The following NRXN3 variants were observed in gnomAD, a reference collection of about 807,000 sequenced individuals.
The protein encoded by NRXN3 is neurexin 3.
In NRXN3, 32 loss-of-function variants were observed where a neutral mutation model predicts 137.6. That is an observed-to-expected ratio of 0.23 (90% CI 0.18 to 0.31). NRXN3 has a LOEUF of 0.31. Ranked by LOEUF, NRXN3 falls within the 10% of genes least tolerant of loss-of-function variation. The probability of loss-of-function intolerance (pLI) is 1.00; values close to 1 mark genes in which losing one functional copy is unlikely to be tolerated. For synonymous variants in NRXN3, 798 were observed against 784.5 expected, an observed-to-expected ratio of 1.02 and a Z score of -0.29; for missense variants, 1,574 against 2,062.5, an observed-to-expected ratio of 0.76 and a Z score of 4.59.
intron 1 of NRXN3, among the ~76,000 whole-genome samples, chr14:78,174,792 G>A (rs1448404618): frequency 6.6e-6 from 1 of 152,184 alleles, no homozygotes; most frequent in Non-Finnish European, 1.5e-5. Flanking sequence ...CCTGCCTCCA[G>A]CAGGAAGCCT....
Position 78,449,569 on chromosome 14 carries a change from G to T in NRXN3, c.757+151709G>T, listed in dbSNP as rs181517322. Among the ~76,000 whole-genome samples the T allele has an allele frequency of 5.3e-3, 804 of 152,132 alleles. 29 individuals are homozygous for T. Among genetic ancestry groups the T allele is most frequent in the Non-Finnish European group, 1.1e-3 (78 of 68,022 alleles). ...CACAATATCTCTAAAATGTGCCACA[G>T]ATATTTTTCTCTATTTTTTATTAGA... On this transcript the variant is annotated intron_variant, in intron 4 of 20. Transcript: ENST00000335750.
In NRXN3 at chr14:78,709,242, G is replaced by T. The variant is rs780387298; in HGVS notation, c.1247G>T (p.Arg416Leu). The T allele has an allele frequency of 1.9e-6, 3 of 1,613,684 alleles. No individual in the cohort carries two copies. Among genetic ancestry groups the T allele is most frequent in the Admixed American group, 1.7e-5 (1 of 59,928 alleles). Residue 416 changes from arginine to leucine, a missense_variant, in exon 7 of 21, where the codon CGT becomes CTT. Coordinates refer to ENST00000335750, the MANE Select transcript of NRXN3 (RefSeq NM_001330195.2). ...KEVVYKNNDIRLELSRLARIA... is the reference protein window; with the variant it reads ...KEVVYKNNDILLELSRLARIA... ...GTTGTTTATAAGAATAATGACATCC[G>T]TCTGGAGCTGTCTCGCCTGGCCCGG...
At chr14:78,269,942 T>C (rs1319899249) in intron 2 of NRXN3, among the ~76,000 whole-genome samples, 1 of 152,200 alleles carries the variant, frequency 6.6e-6, no homozygotes, top group Non-Finnish European at 1.5e-5. Flanking sequence ...AATGCAATAA[T>C]TGTGATTGCC....
chr14:79,570,588 G>C (rs1009411237), intron 16 of NRXN3: 1 of 152,196 alleles, frequency 6.6e-6, no homozygotes, highest in African/African-American at 2.4e-5. Flanking sequence ...GACCCAGTCA[G>C]GTCAGGCCCT....
At chr14:79,223,714 G>T (rs1334397253) in intron 15 of NRXN3, among the ~76,000 whole-genome samples, 2 of 152,124 alleles carry the variant, frequency 1.3e-5, no homozygotes, top group African/African-American at 4.8e-5. Context: ...CTATGGTTTA[G>T]ACATTTTTTA....
chr14:78,889,383 G>A (rs1172858932), intron 10 of NRXN3, among the ~76,000 whole-genome samples: 1 of 151,918 alleles, frequency 6.6e-6, no homozygotes, highest in Non-Finnish European at 1.5e-5. Context: ...ATTGCACTTG[G>A]TGTGTGATTT....
At chr14:78,545,269 C>T (rs925004048) in intron 4 of NRXN3, among the ~76,000 whole-genome samples, 1 of 152,106 alleles carries the variant, frequency 6.6e-6, no homozygotes, top group Non-Finnish European at 1.5e-5. Context: ...GACCTAGGCT[C>T]CTCTCTCAAT....
intron 4 of NRXN3, among the ~76,000 whole-genome samples, chr14:78,301,819 G>T (rs968421598): frequency 6.6e-6 from 1 of 152,178 alleles, no homozygotes; most frequent in African/African-American, 2.4e-5. Context: ...GTTATGTATG[G>T]TTGCCTTGGA....
intron 17 of NRXN3, among the ~76,000 whole-genome samples, chr14:79,669,544 T>G (rs2098594409): frequency 6.6e-6 from 1 of 152,120 alleles, no homozygotes; most frequent in Non-Finnish European, 1.5e-5. Context: ...GCAGTTTGTC[T>G]TCGGTTAACA....
chr14:78,205,543 C>A (rs1009084960), intron 1 of NRXN3, among the ~76,000 whole-genome samples: 6 of 152,160 alleles, frequency 3.9e-5, no homozygotes, highest in Admixed American at 2.0e-4. Context: ...GGTGAAAGAT[C>A]AAAAAGTTGA....
chr14:78,759,924 C>T (rs1416319175), intron 8 of NRXN3, among the ~76,000 whole-genome samples: 3 of 151,848 alleles, frequency 2.0e-5, no homozygotes, highest in Non-Finnish European at 4.4e-5. Context: ...ATGATATGTC[C>T]TATTAGTATG....
chr14:78,710,298 T>C (rs544588806), intron 7 of NRXN3, among the ~76,000 whole-genome samples: 1 of 151,990 alleles, frequency 6.6e-6, no homozygotes, highest in Admixed American at 6.6e-5. Context: ...TTAAATGGCT[T>C]TGTTTCTGCA....
chr14:78,720,329 C>T (rs1228906825), intron 8 of NRXN3, among the ~76,000 whole-genome samples: 1 of 152,186 alleles, frequency 6.6e-6, no homozygotes, highest in Non-Finnish European at 1.5e-5. Context: ...TTAATAGCTA[C>T]TTAATACATA....
At chr14:79,683,297 G>A (rs2098679716) in intron 17 of NRXN3, among the ~76,000 whole-genome samples, 1 of 152,092 alleles carries the variant, frequency 6.6e-6, no homozygotes, top group African/African-American at 2.4e-5. Context: ...ATTTAAAAAA[G>A]AATATGGTGA....
At chr14:79,749,677 T>C (rs2098991082) in intron 19 of NRXN3, among the ~76,000 whole-genome samples, 1 of 152,114 alleles carries the variant, frequency 6.6e-6, no homozygotes, top group Non-Finnish European at 1.5e-5. Flanking sequence ...ATGTCACCAA[T>C]CTGGGAAGCC....
chr14:78,873,490 C>T (rs1420406773), intron 10 of NRXN3, among the ~76,000 whole-genome samples: 3 of 152,158 alleles, frequency 2.0e-5, no homozygotes, highest in African/African-American at 7.2e-5. Flanking sequence ...AAATAGCAGA[C>T]ATGAGTGTGG....
rs188200836 is a variant in NRXN3 at position 79,421,436 on chromosome 14, T to C, written c.3263-45785T>C. Among the ~76,000 whole-genome samples the C allele has an allele frequency of 5.3e-5, 8 of 152,348 alleles. No homozygotes were observed. The East Asian group carries it at 1.3e-3, about 26-fold the overall frequency. On this transcript the variant is annotated intron_variant, in intron 15 of 20. Coordinates refer to ENST00000335750, the MANE Select transcript of NRXN3 (RefSeq NM_001330195.2). ...AGACATTTCCTATTTCTTTTATTTC[T>C]ATAACTGTACTTATTTTCATTATGT...
At chr14:78,236,290 A>G (rs1260312345) in intron 1 of NRXN3, among the ~76,000 whole-genome samples, 2 of 152,222 alleles carry the variant, frequency 1.3e-5, no homozygotes, top group Non-Finnish European at 2.9e-5. Flanking sequence ...GACATTTAAC[A>G]GCATAGAATA....
chr14:78,984,047 G>T (rs1246795823), intron 14 of NRXN3, among the ~76,000 whole-genome samples: 2 of 151,882 alleles, frequency 1.3e-5, no homozygotes, highest in African/African-American at 4.8e-5. Flanking sequence ...TAGAATAGTG[G>T]CTATAGGAGG....
Sources: allele counts gnomAD v4.1 joint callset (sites outside exome capture counted in the v4.1 genomes callset), GRCh38; gene constraint gnomAD v4.1.1; transcripts MANE v1.5; gene names NCBI Gene and HGNC (gene_info 2026-07-23, HGNC 2026-07-21).